Variants in RAB1A observed in about 807,000 individuals in gnomAD.
The protein encoded by RAB1A is ras-related protein Rab-1A.
Under a neutral mutation model 26.0 loss-of-function variants are expected in RAB1A, and 2 were observed. That is an observed-to-expected ratio of 0.08 (90% CI 0.03 to 0.24). The LOEUF is 0.24. Ranked by LOEUF, RAB1A falls within the 10% of genes least tolerant of loss-of-function variation. RAB1A has a pLI of 1.00. For missense variants in RAB1A, 100 were observed against 247.0 expected, an observed-to-expected ratio of 0.40 and a Z score of 3.99; for synonymous variants, 84 against 84.9, an observed-to-expected ratio of 0.99 and a Z score of 0.06.
chr2:65,111,761 G>C (rs1004771325), intron 1 of RAB1A, among the ~76,000 whole-genome samples: 1 of 152,112 alleles, frequency 6.6e-6, no homozygotes, highest in East Asian at 1.9e-4. Flanking sequence ...AAAATAAAAA[G>C]GGTTTTAGAA....
intron 1 of RAB1A, among the ~76,000 whole-genome samples, chr2:65,105,926 C>G (rs1225688221): frequency 6.6e-6 from 1 of 152,080 alleles, no homozygotes; most frequent in African/African-American, 2.4e-5. Context: ...CCACGCCCAG[C>G]TAATTTTTGT....
Position 65,089,101 on chromosome 2 carries a change from A to G in RAB1A, c.289-31T>C, listed in dbSNP as rs373726243. 2.6e-5 allele frequency: 41 copies of G among 1,568,248 alleles called. No homozygotes were observed. The African/African-American group carries it at 4.7e-4, about 18-fold the overall frequency. On this transcript the variant is annotated intron_variant, in intron 4 of 5. Coordinates refer to ENST00000409784, the MANE Select transcript of RAB1A (RefSeq NM_004161.5). The stretch of plus-strand genomic sequence containing the variant: ...AAGACATTTGAAAGACTGATAATAT[A>G]GTTCGATAATATAGTTCTGGAATAA...
Position 65,115,677 on chromosome 2 carries a change from T to A in RAB1A, c.24-10871A>T, listed in dbSNP as rs533851486. Among the ~76,000 whole-genome samples, 9 of 152,280 alleles carry A rather than the reference T, an allele frequency of 5.9e-5. No homozygotes were observed. The East Asian group carries it at 1.3e-3, about 23-fold the overall frequency. ...TACCAGAAATCTGAGAGGGCAATGGTCTTTTCTCCAAATTTAAAGAAATAG... is the reference window on the plus strand; with the variant it reads ...TACCAGAAATCTGAGAGGGCAATGGACTTTTCTCCAAATTTAAAGAAATAG... On this transcript the variant is annotated intron_variant, in intron 1 of 5. Transcript: ENST00000409784.
At chr2:65,117,423 C>A (rs1305703406) in intron 1 of RAB1A, among the ~76,000 whole-genome samples, 2 of 152,096 alleles carry the variant, frequency 1.3e-5, no homozygotes, top group African/African-American at 4.8e-5. Context: ...GATTTGAACT[C>A]TTGGCCTTAA....
chr2:65,104,644 T>G (rs12465415), intron 2 of RAB1A, 90 bp downstream of exon 2: 29,077 of 978,808 alleles, frequency 0.03, 536 homozygotes, highest in Non-Finnish European at 0.037. Flanking sequence ...TAACTTATTC[T>G]GAATAAAACT....
In RAB1A at chr2:65,102,656, A is replaced by T. The variant is rs935969461; in HGVS notation, c.96+2078T>A. Among the ~76,000 whole-genome samples, 2 of 151,240 alleles carry T rather than the reference A, an allele frequency of 1.3e-5. 1 individual carries two copies. The highest frequency in any genetic ancestry group is 2.9e-5 in the Non-Finnish European group (2 of 67,870). ...AAAAAAAAAAAAAATGTCCAGGTGC[A>T]GTAGTTCACGCCTGTAATCCCAGCA... On this transcript the variant is annotated intron_variant, in intron 2 of 5. Transcript: ENST00000409784.
chr2:65,094,698 A>G (rs1232225501), intron 3 of RAB1A, among the ~76,000 whole-genome samples: 1 of 152,206 alleles, frequency 6.6e-6, no homozygotes, highest in Non-Finnish European at 1.5e-5. Flanking sequence ...TAATAATAAG[A>G]AAGGGCCATG....
chr2:65,104,871 A>T (rs755847034), intron 1 of RAB1A, 65 bp from the exon 2 acceptor site: 1 of 1,278,644 alleles, frequency 7.8e-7, no homozygotes, highest in South Asian at 1.2e-5. Flanking sequence ...GCTATACAAA[A>T]ACAAAAACAC....
Position 65,087,248 on chromosome 2 carries a change from A to T in RAB1A, c.*1245T>A, listed in dbSNP as rs905913280. ...AGGATCTTGAAGGTCCTATTTCAGA[A>T]AATCTTCATATATGCAAAATGTCAC... is the stretch of plus-strand genomic sequence containing the variant. On this transcript the variant is annotated 3_prime_UTR_variant, in exon 6 of 6. Coordinates refer to ENST00000409784, the MANE Select transcript of RAB1A (RefSeq NM_004161.5). 1 of 152,646 alleles carries T rather than the reference A, an allele frequency of 6.6e-6. No homozygotes were observed. The highest frequency in any genetic ancestry group is 1.5e-5 in the Non-Finnish European group (1 of 68,044). 9.5% of individuals were successfully genotyped at this position (152,646 alleles called of 1,614,324 possible).
intron 1 of RAB1A, chr2:65,106,398 ATTT>A: frequency 2.9e-6 from 1 of 339,860 alleles, no homozygotes; most frequent in South Asian, 2.2e-5. Flanking sequence ...CATAAAACTT[ATTT>A]TTTTTGTTTT....
At chr2:65,102,065 T>G (rs1024297306) in intron 2 of RAB1A, among the ~76,000 whole-genome samples, 1 of 152,124 alleles carries the variant, frequency 6.6e-6, no homozygotes, top group Admixed American at 6.6e-5. Context: ...GTATTACTTC[T>G]TTTTTCAACT....
At chr2:65,111,847 G>GC (rs1411774096) in intron 1 of RAB1A, among the ~76,000 whole-genome samples, 1 of 152,140 alleles carries the variant, frequency 6.6e-6, no homozygotes, top group Non-Finnish European at 1.5e-5. Context: ...ACTTTGGGAG[G>GC]CCCAGGCAGG....
chr2:65,116,586 G>C (rs1386330396), intron 1 of RAB1A, among the ~76,000 whole-genome samples: 1 of 152,206 alleles, frequency 6.6e-6, no homozygotes, highest in Non-Finnish European at 1.5e-5. Context: ...AGCACAGTAA[G>C]TGGCCATTGT....
chr2:65,100,921 A>G (rs957319521), intron 2 of RAB1A, among the ~76,000 whole-genome samples: 1 of 151,922 alleles, frequency 6.6e-6, no homozygotes, highest in Non-Finnish European at 1.5e-5. Context: ...AGAGGTGCAC[A>G]TATCACTTGA....
At chr2:65,106,257 G>T (rs1669556132) in intron 1 of RAB1A, 1 of 209,120 alleles carries the variant, frequency 4.8e-6, no homozygotes, top group Non-Finnish European at 1.0e-5. Context: ...AAAAACCTTA[G>T]AATTTATATA....
intron 1 of RAB1A, among the ~76,000 whole-genome samples, chr2:65,107,330 G>A (rs983040458): frequency 1.3e-5 from 2 of 151,988 alleles, no homozygotes; most frequent in Admixed American, 6.6e-5. Flanking sequence ...CTCCCAAAGT[G>A]CTGGGAGTAC....
At chr2:65,128,153 T>C (rs1194082517) in intron 1 of RAB1A, among the ~76,000 whole-genome samples, 1 of 152,180 alleles carries the variant, frequency 6.6e-6, no homozygotes, top group Non-Finnish European at 1.5e-5. Context: ...CAAATTCTTT[T>C]ATATACATTT....
chr2:65,122,153 C>CG (rs1553395328), intron 1 of RAB1A, among the ~76,000 whole-genome samples: 1 of 54,370 alleles, frequency 1.8e-5, no homozygotes, highest in Admixed American at 2.6e-4. Context: ...AAGACTCTAT[C>CG]TCAAAAAAAA....
chr2:65,123,222 G>C (rs949425555), intron 1 of RAB1A, among the ~76,000 whole-genome samples: 1 of 147,770 alleles, frequency 6.8e-6, no homozygotes, highest in Non-Finnish European at 1.5e-5. Context: ...CCAGGCTGGA[G>C]TGCAGTGGCG....
Sources: gnomAD v4.1 joint callset for allele counts (sites outside exome capture counted in the v4.1 genomes callset) on GRCh38, gnomAD v4.1.1 for gene constraint, MANE v1.5 for transcripts, NCBI Gene and HGNC (gene_info 2026-07-23, HGNC 2026-07-21) for gene names.